The following MFGE8 variants were observed in gnomAD, a reference collection of about 807,000 sequenced individuals.
The protein encoded by MFGE8 is lactadherin.
Under a neutral mutation model 42.6 loss-of-function variants are expected in MFGE8, and 34 were observed. That is an observed-to-expected ratio of 0.80 (90% CI 0.61 to 1.06). The LOEUF (loss-of-function observed/expected upper bound fraction) is 1.06, where lower values mean the gene tolerates loss of function less well. Ranked by LOEUF, MFGE8 falls within the 50% of genes least tolerant of loss-of-function variation. The pLI is 0.00. For synonymous variants in MFGE8, 230 were observed against 214.8 expected (o/e 1.07, Z -0.62); for missense variants, 510 against 516.9 (o/e 0.99, Z 0.13).
chr15:88,909,289 C>T (rs1396404581), intron 2 of MFGE8, among the ~76,000 whole-genome samples: 1 of 152,238 alleles, frequency 6.6e-6, no homozygotes, highest in Non-Finnish European at 1.5e-5. Context: ...GCCCAGGCCT[C>T]TCCCTTCTCC....
rs775827956 is a variant in MFGE8 at position 88,909,894 on chromosome 15, C to T, written c.103G>A (p.Gly35Ser). The T allele has an allele frequency of 1.9e-6, 3 of 1,614,064 alleles. No individual in the cohort carries two copies. Among genetic ancestry groups the T allele is most frequent in the Admixed American group, 1.7e-5 (1 of 60,008 alleles). The change falls in exon 2 of 8, where the codon GGT becomes AGT. Residue 35 changes from glycine to serine, a missense_variant. Gly to Ser is a moderately conservative substitution (Grantham distance 56, BLOSUM62 0). Transcript: ENST00000268150. ...TGGGAAATCTCCTCGCATAAACCAC[C>T]GTTGTGGCAGGGGTTTTTGGAACAG... ...DICSKNPCHN[G>S]GLCEEISQEV... is the part of the protein sequence containing the mutation.
Position 88,899,381 on chromosome 15 carries a change from G to A in MFGE8, c.*14C>T. On this transcript the variant is annotated 3_prime_UTR_variant, in exon 8 of 8. Coordinates refer to ENST00000268150, the MANE Select transcript of MFGE8 (RefSeq NM_005928.4). This position sits in a 1 kb window ranked among gnomAD's most constrained non-coding sequence, Gnocchi z 6.8. ...CCATGGAAAGCAGGAAGACCTGGGG[G>A]TGGCAGGTGGCCACTAACAGCCCAG... is the stretch of plus-strand genomic sequence containing the variant. 6.2e-7 allele frequency: 1 copy of A among 1,613,904 alleles called. No individual in the cohort carries two copies. Among genetic ancestry groups the A allele is most frequent in the Non-Finnish European group, 8.5e-7 (1 of 1,179,956 alleles).
chr15:88,911,265 G>A (rs960726669), intron 1 of MFGE8, among the ~76,000 whole-genome samples: 1 of 152,216 alleles, frequency 6.6e-6, no homozygotes, highest in Non-Finnish European at 1.5e-5. Context: ...ATCAGCCCCG[G>A]TGGTGGAGAA....
At chr15:88,901,500 C>T (rs146699098) in intron 6 of MFGE8, 51 bp downstream of exon 6, 1 of 1,522,448 alleles carries the variant, frequency 6.6e-7, no homozygotes, top group Non-Finnish European at 9.1e-7. Context: ...TCTGGCAGTC[C>T]CACCTCATCC....
intron 6 of MFGE8, 33 bp downstream of exon 6, chr15:88,901,518 C>CCCA: frequency 1.1e-6 from 1 of 887,680 alleles, no homozygotes; most frequent in Non-Finnish European, 1.8e-6. Flanking sequence ...TCCCACCCAA[C>CCCA]CCCAGCCCCA....
rs999684032 is a variant in MFGE8, at chr15:88,906,645, T to A, written c.521A>T (p.Asp174Val). The A allele has an allele frequency of 6.2e-7, 1 of 1,614,050 alleles. No individual in the cohort carries two copies. The highest frequency in any genetic ancestry group is 1.1e-5 in the South Asian group (1 of 91,070). Residue 174 changes from aspartate (D) to valine (V), a missense_variant, in exon 4 of 8, where the codon GAT becomes GTT. Transcript: ENST00000268150. This position sits in a 1 kb window ranked among gnomAD's most constrained non-coding sequence, Gnocchi z 4.2. Reference sequence around the variant, plus strand: ...ACCTACCTTGTGTTTTTTATTAACATCATGGATGAAATCGAATTCGTGTCC... The same window carrying A: ...ACCTACCTTGTGTTTTTTATTAACAACATGGATGAAATCGAATTCGTGTCC... ...LNGHEFDFIHDVNKKHKEFVG... is the reference protein window; with the variant it reads ...LNGHEFDFIHVVNKKHKEFVG...
intron 1 of MFGE8, among the ~76,000 whole-genome samples, chr15:88,911,940 A>C (rs572105450): frequency 6.6e-6 from 1 of 152,164 alleles, no homozygotes; most frequent in Admixed American, 6.5e-5. Context: ...ATTGGCTTTA[A>C]ATAGCAGGTA....
At position 88,899,699 on chromosome 15, in the gene MFGE8, G is replaced by A. The variant is rs1168321086; in HGVS notation, c.983C>T (p.Ala328Val). The A allele has an allele frequency of 1.2e-5, 19 of 1,614,048 alleles. No individual in the cohort carries two copies. The highest frequency in any genetic ancestry group is 6.7e-5 in the Admixed American group (4 of 60,002). ...GGGGTCCTGGTACTCAGTCCAGTTC[G>A]CACTGTCATTACTGTAGGCAACCTT... ...SYKVAYSNDS[A>V]NWTEYQDPRT... The change falls in exon 7 of 8, where the codon GCG (alanine) becomes GTG (valine). Residue 328 changes from alanine (A) to valine (V), a missense_variant. Ala to Val is a moderately conservative substitution (Grantham distance 64). Transcript: ENST00000268150. This position sits in a 1 kb window ranked among gnomAD's most constrained non-coding sequence, Gnocchi z 6.8.
chr15:88,905,859 G>T lies in MFGE8; in HGVS notation c.583C>A (p.Leu195Met). The change falls in exon 5 of 8, where the codon CTG becomes ATG. Residue 195 changes from leucine to methionine, a missense_variant. Leu to Met is a conservative substitution (Grantham distance 15). Transcript: ENST00000268150. The surrounding 1 kb of genome is among the most constrained non-coding windows in gnomAD (Gnocchi z 6.6). ...NWNKNAVHVN[L>M]FETPVEAQYV... ...TGAGCCTCCACAGGGGTCTCAAACA[G>T]GTTGACATGCACCGCGTTTTTGTTC... The T allele has an allele frequency of 6.2e-7, 1 of 1,614,226 alleles. No individual in the cohort carries two copies. The highest frequency in any genetic ancestry group is 1.1e-5 in the South Asian group (1 of 91,084).
At chr15:88,911,577 C>CCGGGCCGGG (rs1443352372) in intron 1 of MFGE8, among the ~76,000 whole-genome samples, 2 of 151,928 alleles carry the variant, frequency 1.3e-5, no homozygotes, top group Non-Finnish European at 2.9e-5. Context: ...AAAAAATTAG[C>CCGGGCCGGG]CGGGCCGGGC....
chr15:88,908,603 G>A (rs1439106383), intron 2 of MFGE8, among the ~76,000 whole-genome samples: 6 of 152,122 alleles, frequency 3.9e-5, no homozygotes, highest in African/African-American at 1.2e-4. Flanking sequence ...AAGATCCCAG[G>A]CCCAGAAGCT....
intron 6 of MFGE8, among the ~76,000 whole-genome samples, chr15:88,901,185 A>ACACACATT (rs1898383009): frequency 1.8e-5 from 1 of 56,888 alleles, no homozygotes; most frequent in Admixed American, 1.9e-4. Context: ...TCACACATTC[A>ACACACATT]CACACACATT....
chr15:88,909,701 G>C (rs1196302277), intron 2 of MFGE8, 91 bp downstream of exon 2: 2 of 1,595,228 alleles, frequency 1.3e-6, no homozygotes, highest in African/African-American at 2.7e-5. Context: ...ATCACAGGCA[G>C]AGAATAAGGC....
At position 88,902,281 on chromosome 15, in the gene MFGE8, A is replaced by G. The variant is rs1898472219; in HGVS notation, c.686-546T>C. On this transcript the variant is annotated intron_variant, in intron 5 of 7. Coordinates refer to ENST00000268150, the MANE Select transcript of MFGE8 (RefSeq NM_005928.4). The surrounding 1 kb of genome is among the most constrained non-coding windows in gnomAD (Gnocchi z 4.3). ...AAAAACACTAAATGAAGTAGAAATT[A>G]GTAAGCCCATTCTATAGATGAGAAA... 1 of 160,902 alleles carries G rather than the reference A, an allele frequency of 6.2e-6. No homozygotes were observed. The highest frequency in any genetic ancestry group is 2.4e-5 in the African/African-American group (1 of 41,600). The allele number at this position is 160,902 out of a possible 1,614,324, so 10.0% of individuals were successfully genotyped here. A position where few individuals can be genotyped will look rare whatever the true frequency, so the allele number is the denominator to read the frequency against.
At chr15:88,913,140 C>A in intron 1 of MFGE8, 107 bp downstream of exon 1, 1 of 1,402,020 alleles carries the variant, frequency 7.1e-7, no homozygotes, top group Non-Finnish European at 9.2e-7. Context: ...GTCCCCGGGG[C>A]TTTGTCTAAG....
At chr15:88,900,833 C>A (rs1898324425) in intron 6 of MFGE8, 6 of 839,282 alleles carry the variant, frequency 7.1e-6, no homozygotes, top group Non-Finnish European at 8.6e-6. Context: ...GTATGCTGTG[C>A]TCAAGGGAGA....
intron 2 of MFGE8, 33 bp from the exon 3 acceptor site, chr15:88,907,409 C>A (rs780794630): frequency 4.4e-6 from 7 of 1,606,628 alleles, no homozygotes. Context: ...CAGGTGGCTA[C>A]CCCAGCAGGT....
chr15:88,913,199 G>A (rs1242926676), intron 1 of MFGE8, 48 bp downstream of exon 1: 1 of 1,480,814 alleles, frequency 6.8e-7, no homozygotes, highest in Non-Finnish European at 8.9e-7. Flanking sequence ...ACTTCCGAGC[G>A]GCGCGGGGAG....
At chr15:88,911,135 TGA>T (rs1211283146) in intron 1 of MFGE8, 2 of 152,000 alleles carry the variant, frequency 1.3e-5, no homozygotes, top group Non-Finnish European at 2.9e-5. Flanking sequence ...GAGAGCATGG[TGA>T]GAGAGGAAGT....
Sources: gnomAD v4.1 joint callset for allele counts (sites outside exome capture counted in the v4.1 genomes callset) on GRCh38, gnomAD v4.1.1 for gene constraint, Gnocchi (gnomAD v3.1) non-coding constraint, MANE v1.5 for transcripts, NCBI Gene and HGNC (gene_info 2026-07-23, HGNC 2026-07-21) for gene names.